The following EP300 variants were observed in gnomAD, a reference collection of about 807,000 sequenced individuals.
The protein encoded by EP300 is EP300 lysine acetyltransferase.
EP300 carries 31 observed loss-of-function variants against 264.0 expected under a neutral mutation model. The observed-to-expected ratio is 0.12, with a 90% CI of 0.09 to 0.16. EP300 has a LOEUF of 0.16. EP300 is among the 10% of genes least tolerant of loss of function. The probability of loss-of-function intolerance (pLI) is 1.00; values close to 1 mark genes in which losing one functional copy is unlikely to be tolerated. For synonymous variants in EP300, 1,340 were observed against 1,045.4 expected, an observed-to-expected ratio of 1.28 and a Z score of -5.44; for missense variants, 2,766 against 3,052.9, an observed-to-expected ratio of 0.91 and a Z score of 2.21.
intron 21 of EP300, 98 bp downstream of exon 21, chr22:41,162,877 C>T (rs2059115389): frequency 9.6e-7 from 1 of 1,039,472 alleles, no homozygotes; most frequent in African/African-American, 1.6e-5. Context: ...ATCCTATATT[C>T]TTGGGCTAAA....
chr22:41,137,672 G>A lies in EP300; in HGVS notation c.1642G>A (p.Ala548Thr). The change falls in exon 8 of 31, where the codon GCC (alanine) becomes ACC (threonine). Residue 548 changes from alanine (A) to threonine (T), a missense_variant. Physicochemically the swap from Ala to Thr is moderately conservative, Grantham distance 58. Coordinates refer to ENST00000263253, the MANE Select transcript of EP300 (RefSeq NM_001429.4). ...NSQNPMMSEN[A>T]SVPSLGPMPT... ...TTGAAGCCCAATGATGAGTGAAAAT[G>A]CCAGTGTGCCCTCCCTGGGTCCTAT... 7 of 1,614,114 alleles carry A rather than the reference G, an allele frequency of 4.3e-6. No homozygotes were observed. Among genetic ancestry groups the A allele is most frequent in the Non-Finnish European group, 5.9e-6 (7 of 1,180,022 alleles).
chr22:41,146,895 G>T, intron 11 of EP300, 79 bp downstream of exon 11: 15 of 1,231,856 alleles, frequency 1.2e-5, no homozygotes, highest in Non-Finnish European at 1.6e-5. Context: ...CTGAACACCC[G>T]CTTTATGCCA....
chr22:41,178,669 T>TCCCAGC lies in EP300; in HGVS notation c.6962_6967dup (p.Gln2321_Pro2322dup). 6.2e-7 allele frequency: 1 copy of TCCCAGC among 1,614,042 alleles called. No individual in the cohort carries two copies. The highest frequency in any genetic ancestry group is 8.5e-7 in the Non-Finnish European group (1 of 1,179,998). ...GCCTGTCCCTTCTCCACGGCCACAGTCCCAGCCCCCCCACTCCAGTCCTTC... is the reference window on the plus strand; with the variant it reads ...GCCTGTCCCTTCTCCACGGCCACAGTCCCAGCCCCAGCCCCCCCACTCCAGTCCTTC... On this transcript the variant is annotated inframe_insertion, in exon 31 of 31. Coordinates refer to ENST00000263253, the MANE Select transcript of EP300 (RefSeq NM_001429.4).
Position 41,179,015 on chromosome 22 carries a change from T to G in EP300, c.*59T>G. The G allele has an allele frequency of 1.9e-6, 3 of 1,595,970 alleles. No individual in the cohort carries two copies. In the South Asian group the frequency reaches 3.3e-5, roughly 18 times the overall value. ...TATTTTCTCTTAACAAGACTTTTTG[T>G]ACTGAAAACAATTTTTTTGAATCTT... is the stretch of plus-strand genomic sequence containing the variant. On this transcript the variant is annotated 3_prime_UTR_variant, in exon 31 of 31. Coordinates refer to ENST00000263253, the MANE Select transcript of EP300 (RefSeq NM_001429.4).
At chr22:41,110,117 G>A (rs1254966826) in intron 1 of EP300, among the ~76,000 whole-genome samples, 2 of 65,514 alleles carry the variant, frequency 3.1e-5, no homozygotes, top group Admixed American at 2.4e-4. Flanking sequence ...CCTGTTCCCT[G>A]CCCCCCCCCC....
At chr22:41,134,363 G>A (rs1397419681) in intron 6 of EP300, among the ~76,000 whole-genome samples, 2 of 151,540 alleles carry the variant, frequency 1.3e-5, no homozygotes, top group Non-Finnish European at 2.9e-5. Flanking sequence ...AACTGGAAAC[G>A]TACGTGTGTG....
At chr22:41,168,905 T>G in intron 25 of EP300, 38 bp downstream of exon 25, 1 of 1,613,970 alleles carries the variant, frequency 6.2e-7, no homozygotes. Context: ...CGGATTTGTG[T>G]GGGAGTTCCA....
At chr22:41,132,283 ATTCTTT>A (rs1569098475) in intron 6 of EP300, among the ~76,000 whole-genome samples, 1 of 116,824 alleles carries the variant, frequency 8.6e-6, no homozygotes, top group East Asian at 2.5e-4. Context: ...TCATTCTTTC[ATTCTTT>A]TTTTTTTTTT....
chr22:41,149,184 C>T lies in EP300; in HGVS notation c.2379+9C>T, dbSNP rs1157215150. 1.2e-6 allele frequency: 2 copies of T among 1,614,080 alleles called. No homozygotes were observed. Among genetic ancestry groups the T allele is most frequent in the Non-Finnish European group, 1.7e-6 (2 of 1,179,986 alleles). ...AAGCTCCAGTGTCTCAAGTATGTCT[C>T]ATAAGTGGATTTTTCACTTATTTTT... On this transcript the variant is annotated intron_variant, in intron 13 of 30. Coordinates refer to ENST00000263253, the MANE Select transcript of EP300 (RefSeq NM_001429.4).
Position 41,110,282 on chromosome 22 carries a change from A to ATTTTTTT in EP300, c.95-6873_95-6867dup, listed in dbSNP as rs71200660. 2.9e-4 allele frequency among the ~76,000 whole-genome samples: 14 copies of ATTTTTTT among 48,222 alleles called. 3 individuals are homozygous for ATTTTTTT. Among genetic ancestry groups the ATTTTTTT allele is most frequent in the Non-Finnish European group, 3.3e-4 (9 of 26,878 alleles). 31.6% of individuals were successfully genotyped at this position (48,222 alleles called of 152,430 possible). A position where few individuals can be genotyped will look rare whatever the true frequency, so the allele number is the denominator to read the frequency against. On this transcript the variant is annotated intron_variant, in intron 1 of 30. Coordinates refer to ENST00000263253, the MANE Select transcript of EP300 (RefSeq NM_001429.4). ...AGGTGCATGCCAGCATATCCAGCTAATTTTTTTTTTTTTTTTTTTTTTTTT... is the reference window on the plus strand; with the variant it reads ...AGGTGCATGCCAGCATATCCAGCTAATTTTTTTTTTTTTTTTTTTTTTTTTTTTTTTT...
chr22:41,162,313 TCTAGTTGGAGAATGTGGATC>T (rs892791260), intron 20 of EP300, among the ~76,000 whole-genome samples: 2 of 152,204 alleles, frequency 1.3e-5, no homozygotes, highest in Non-Finnish European at 2.9e-5. Context: ...TAATGTTGAT[TCTAGTTGGAGAATGTGGATC>T]CTAGTTGGAG....
intron 1 of EP300, among the ~76,000 whole-genome samples, chr22:41,114,092 TAATG>T (rs1043231783): frequency 2.0e-4 from 30 of 152,282 alleles, no homozygotes; most frequent in African/African-American, 5.3e-4. Context: ...TATAAGGAAA[TAATG>T]AAGGAACTAT....
intron 2 of EP300, among the ~76,000 whole-genome samples, chr22:41,123,132 G>T (rs958530175): frequency 3.3e-5 from 5 of 152,184 alleles, no homozygotes; most frequent in Admixed American, 2.0e-4. Flanking sequence ...TTACAAGGAT[G>T]AGTAGAATCT....
intron 2 of EP300, among the ~76,000 whole-genome samples, chr22:41,122,794 G>A (rs183336506): frequency 7.8e-4 from 118 of 152,160 alleles, no homozygotes; most frequent in African/African-American, 2.6e-3. Context: ...GGTGGGAGAT[G>A]CCTGTAATCC....
At chr22:41,161,363 A>T (rs1323774180) in intron 20 of EP300, among the ~76,000 whole-genome samples, 1 of 152,208 alleles carries the variant, frequency 6.6e-6, no homozygotes, top group Non-Finnish European at 1.5e-5. Context: ...CATGCCTGTC[A>T]TCTCAGCACT....
At position 41,178,900 on chromosome 22, in the gene EP300, A is replaced by G; in HGVS notation, c.7189A>G (p.Thr2397Ala). Residue 2397 changes from threonine (T) to alanine (A), a missense_variant, in exon 31 of 31, where the codon ACC becomes GCC. Thr to Ala is a moderately conservative substitution (Grantham distance 58). Coordinates refer to ENST00000263253, the MANE Select transcript of EP300 (RefSeq NM_001429.4). Reference sequence around the variant, plus strand: ...AAGCGCCACGGACCTGGGACTCAGCACCGATAACTCAGACTTGAATTCAAA... The same window carrying G: ...AAGCGCCACGGACCTGGGACTCAGCGCCGATAACTCAGACTTGAATTCAAA... ...GASATDLGLS[T>A]DNSDLNSNLS... The G allele has an allele frequency of 6.2e-7, 1 of 1,614,226 alleles. No homozygotes were observed. Among genetic ancestry groups the G allele is most frequent in the Non-Finnish European group, 8.5e-7 (1 of 1,180,046 alleles).
rs768099570 is a variant in EP300, at chr22:41,126,059, C to T, written c.906+19C>T. The T allele has an allele frequency of 2.5e-6, 4 of 1,612,782 alleles. No individual in the cohort carries two copies. In the South Asian group the frequency reaches 4.4e-5, roughly 18 times the overall value. ...CAACATGGTGAGTACTAATCCATTA[C>T]AGACTTGTTTTCAAACTGGCATTTT... On this transcript the variant is annotated intron_variant, in intron 3 of 30. Coordinates refer to ENST00000263253, the MANE Select transcript of EP300 (RefSeq NM_001429.4).
chr22:41,150,967 T>G (rs1226108553), intron 14 of EP300, among the ~76,000 whole-genome samples: 2 of 152,008 alleles, frequency 1.3e-5, no homozygotes, highest in African/African-American at 4.8e-5. Context: ...GAGAGAATTA[T>G]AGACCCAGAA....
intron 8 of EP300, among the ~76,000 whole-genome samples, 182 bp downstream of exon 8, chr22:41,137,972 C>A (rs970684538): frequency 6.6e-6 from 1 of 152,190 alleles, no homozygotes; most frequent in Non-Finnish European, 1.5e-5. Flanking sequence ...CTCAACCTTT[C>A]CCACCATCAT....
Sources: gnomAD v4.1 joint callset for allele counts (sites outside exome capture counted in the v4.1 genomes callset) on GRCh38, gnomAD v4.1.1 for gene constraint, MANE v1.5 for transcripts, NCBI Gene and HGNC (gene_info 2026-07-23, HGNC 2026-07-21) for gene names.